FAF1: variants seen among roughly 807,000 people sequenced by gnomAD.
FAF1 encodes the protein Fas associated factor 1.
Under a neutral mutation model 92.5 loss-of-function variants are expected in FAF1, and 25 were observed. That is an observed-to-expected ratio of 0.27 (90% confidence interval 0.20 to 0.38). The LOEUF (loss-of-function observed/expected upper bound fraction) is 0.38. FAF1 is among the 10% of genes least tolerant of loss of function. FAF1 has a pLI of 1.00. For missense variants in FAF1, 636 were observed against 793.3 expected (o/e 0.80, Z 2.38); for synonymous variants, 234 against 273.2 (o/e 0.86, Z 1.42).
At chr1:50,650,068 T>C (rs1457532733) in intron 8 of FAF1, among the ~76,000 whole-genome samples, 1 of 148,526 alleles carries the variant, frequency 6.7e-6, no homozygotes, top group Non-Finnish European at 1.5e-5. Flanking sequence ...GCGGATCACC[T>C]GAGGTCGGGA....
chr1:50,719,378 G>A (rs1220627403), intron 6 of FAF1, among the ~76,000 whole-genome samples: 1 of 152,124 alleles, frequency 6.6e-6, no homozygotes, highest in African/African-American at 2.4e-5. Context: ...TTTAACGAAG[G>A]TTGGCCTCTT....
At chr1:50,498,482 C>T (rs559780558) in intron 15 of FAF1, among the ~76,000 whole-genome samples, 2 of 152,210 alleles carry the variant, frequency 1.3e-5, no homozygotes, top group East Asian at 1.9e-4. Context: ...AATATTTGCA[C>T]GTGATGTCTG....
intron 2 of FAF1, 129 bp downstream of exon 2, chr1:50,857,800 G>A: frequency 6.2e-6 from 3 of 484,566 alleles, no homozygotes; most frequent in Non-Finnish European, 1.1e-5. Flanking sequence ...ATGGCATTTA[G>A]ACTTTATTAA....
chr1:50,763,279 TA>T (rs1660423540), intron 4 of FAF1, among the ~76,000 whole-genome samples: 1 of 152,022 alleles, frequency 6.6e-6, no homozygotes, highest in Non-Finnish European at 1.5e-5. Flanking sequence ...ACATAAAATA[TA>T]AAATAAAACA....
chr1:50,637,781 T>A (rs1347025576), intron 8 of FAF1, among the ~76,000 whole-genome samples: 1 of 151,638 alleles, frequency 6.6e-6, no homozygotes, highest in African/African-American at 2.4e-5. Context: ...TTACCCATTT[T>A]TTCCCTCTTA....
intron 7 of FAF1, among the ~76,000 whole-genome samples, chr1:50,684,457 T>C (rs1035970635): frequency 2.0e-5 from 3 of 152,158 alleles, no homozygotes; most frequent in Non-Finnish European, 4.4e-5. Flanking sequence ...CAGCAAAGAA[T>C]GTTCCTATCA....
intron 2 of FAF1, among the ~76,000 whole-genome samples, chr1:50,803,418 T>C (rs926669836): frequency 8.5e-5 from 13 of 152,198 alleles, no homozygotes; most frequent in Non-Finnish European, 4.4e-5. Flanking sequence ...CTTAGTATAT[T>C]CACTGAACTT....
Position 50,739,438 on chromosome 1 carries a change from A to G in FAF1, c.460-484T>C, listed in dbSNP as rs114066875. On this transcript the variant is annotated intron_variant, in intron 5 of 18. Transcript: ENST00000396153. ...TGTGAGTGTATGTGTATGTGTGTAT[A>G]TATGTGTATACACACATACACATAT... Among the ~76,000 whole-genome samples the G allele has an allele frequency of 2.0e-5, 3 of 152,210 alleles. No homozygotes were observed. In the East Asian group the frequency reaches 5.8e-4, roughly 29 times the overall value.
chr1:50,473,599 G>A (rs1366697784), intron 18 of FAF1, among the ~76,000 whole-genome samples: 3 of 152,196 alleles, frequency 2.0e-5, no homozygotes, highest in South Asian at 4.1e-4. Flanking sequence ...CAGAAGTTAA[G>A]GTAGTTTTCA....
chr1:50,837,650 A>G (rs556730308), intron 2 of FAF1, among the ~76,000 whole-genome samples: 1 of 152,308 alleles, frequency 6.6e-6, no homozygotes, highest in East Asian at 1.9e-4. Flanking sequence ...ACATTGACCT[A>G]TAAAGTTTGT....
At chr1:50,881,248 T>C (rs1463542971) in intron 1 of FAF1, among the ~76,000 whole-genome samples, 3 of 152,214 alleles carry the variant, frequency 2.0e-5, no homozygotes, top group African/African-American at 7.2e-5. Flanking sequence ...CAAGAATCTG[T>C]ATTTTAGAAA....
chr1:50,692,793 T>G (rs1656997724), intron 7 of FAF1, among the ~76,000 whole-genome samples: 1 of 152,232 alleles, frequency 6.6e-6, no homozygotes, highest in South Asian at 2.1e-4. Context: ...TCTTTGGATT[T>G]TTTATTTGCA....
Position 50,438,312 on chromosome 1 carries a change from GCTA to G in FAF1, c.*3125_*3127del, listed in dbSNP as rs1157029518. 6.6e-6 allele frequency: 1 copy of G among 152,196 alleles called. No individual in the cohort carries two copies. The highest frequency in any genetic ancestry group is 1.5e-5 in the Non-Finnish European group (1 of 68,056). The allele number at this position is 152,196 out of a possible 1,614,324, so 9.4% of individuals were successfully genotyped here. ...AGGTTACTTACCTTAAGGTCACGCAGCTACTAAGTGGCAGAAGAGAGGTTCAAC... is the reference window on the plus strand; with the variant it reads ...AGGTTACTTACCTTAAGGTCACGCAGCTAAGTGGCAGAAGAGAGGTTCAAC... On this transcript the variant is annotated 3_prime_UTR_variant, in exon 19 of 19. Coordinates refer to ENST00000396153, the MANE Select transcript of FAF1 (RefSeq NM_007051.3).
chr1:50,511,666 G>GA (rs1647136928), intron 15 of FAF1, among the ~76,000 whole-genome samples: 1 of 152,114 alleles, frequency 6.6e-6, no homozygotes, highest in African/African-American at 2.4e-5. Context: ...ATTTGGGTTG[G>GA]TTCCAAGTCT....
At chr1:50,640,749 C>T (rs939959894) in intron 8 of FAF1, among the ~76,000 whole-genome samples, 3 of 151,498 alleles carry the variant, frequency 2.0e-5, no homozygotes, top group Non-Finnish European at 4.4e-5. Context: ...TAATGATGTC[C>T]TCTTATTAAT....
intron 18 of FAF1, 99 bp from the exon 19 acceptor site, chr1:50,441,622 C>T (rs1646167299): frequency 5.2e-6 from 3 of 578,190 alleles, no homozygotes; most frequent in South Asian, 3.1e-5. Context: ...TGAAACTATG[C>T]ACTGGCACGA....
chr1:50,649,785 C>CAAAAAAAA (rs535636319), intron 8 of FAF1, among the ~76,000 whole-genome samples: 2 of 72,940 alleles, frequency 2.7e-5, no homozygotes, highest in African/African-American at 5.0e-5. Flanking sequence ...ACTAAAACTA[C>CAAAAAAAA]AAAAAAAAAA....
At chr1:50,676,559 G>A (rs1656130270) in intron 7 of FAF1, among the ~76,000 whole-genome samples, 1 of 152,136 alleles carries the variant, frequency 6.6e-6, no homozygotes. Flanking sequence ...AATGGCTCAT[G>A]CCTGTAATCC....
intron 12 of FAF1, among the ~76,000 whole-genome samples, chr1:50,570,740 T>C (rs559842063): frequency 2.6e-5 from 4 of 152,166 alleles, no homozygotes; most frequent in Admixed American, 6.6e-5. Flanking sequence ...ATATAAAGAC[T>C]CAATAGTATG....
Sources: allele counts gnomAD v4.1 joint callset (sites outside exome capture counted in the v4.1 genomes callset), GRCh38; gene constraint gnomAD v4.1.1; transcripts MANE v1.5; gene names NCBI Gene and HGNC (gene_info 2026-07-23, HGNC 2026-07-21).